Variants in PKHD1 observed in about 807,000 individuals in gnomAD.
PKHD1 encodes fibrocystin.
A neutral mutation model predicts 412.0 loss-of-function variants in PKHD1; 291 were observed. The ratio of observed to expected loss-of-function variants is 0.71; its 90% CI spans 0.64 to 0.78. The LOEUF is 0.78. PKHD1 is among the 30% of genes least tolerant of loss of function. The pLI, the probability that PKHD1 is intolerant of heterozygous loss-of-function variation, is 0.00. For missense variants in PKHD1, 4,825 were observed against 4,950.7 expected (o/e 0.97, Z 0.76); for synonymous variants, 1,777 against 1,821.5 (o/e 0.98, Z 0.62).
At chr6:52,060,501 A>T (rs1014527483) in intron 14 of PKHD1, among the ~76,000 whole-genome samples, 3 of 152,262 alleles carry the variant, frequency 2.0e-5, no homozygotes, top group African/African-American at 7.2e-5. Flanking sequence ...TATGATCCAC[A>T]GATAAGCGTC....
chr6:51,953,058 T>G (rs1790588830), intron 36 of PKHD1, among the ~76,000 whole-genome samples: 2 of 152,250 alleles, frequency 1.3e-5, no homozygotes, highest in East Asian at 3.9e-4. Context: ...AAATTTGAAG[T>G]CAGGCTCCAG....
chr6:52,065,132 A>ATT (rs1809362465), intron 12 of PKHD1, 82 bp from the exon 13 acceptor site: 16 of 172,768 alleles, frequency 9.3e-5, no homozygotes, highest in South Asian at 3.7e-4. Context: ...TATATGTATA[A>ATT]TTATATATAT....
intron 34 of PKHD1, among the ~76,000 whole-genome samples, chr6:52,012,551 G>C (rs941157978): frequency 5.3e-5 from 8 of 152,130 alleles, no homozygotes; most frequent in African/African-American, 1.7e-4. Context: ...GATTCAGAAA[G>C]GAAAAGCAAA....
At chr6:51,866,950 A>C (rs185069711) in intron 48 of PKHD1, among the ~76,000 whole-genome samples, 3 of 152,282 alleles carry the variant, frequency 2.0e-5, no homozygotes, top group Admixed American at 1.3e-4. Context: ...AAAAATTTCC[A>C]GACTATTCAG....
chr6:51,832,294 G>A (rs1768389272), intron 51 of PKHD1, among the ~76,000 whole-genome samples: 1 of 152,004 alleles, frequency 6.6e-6, no homozygotes, highest in Non-Finnish European at 1.5e-5. Context: ...AGCCTTAGAA[G>A]TTATTCAGGT....
intron 51 of PKHD1, among the ~76,000 whole-genome samples, chr6:51,835,624 G>A (rs529185823): frequency 2.0e-5 from 3 of 152,124 alleles, no homozygotes; most frequent in Non-Finnish European, 4.4e-5. Context: ...AAAGTGTGGT[G>A]GCAGCTCAGA....
chr6:51,624,867 T>C (rs1767047378), intron 66 of PKHD1, among the ~76,000 whole-genome samples: 2 of 152,316 alleles, frequency 1.3e-5, no homozygotes, highest in East Asian at 1.9e-4. Flanking sequence ...TTAAACCCAG[T>C]CTGTTGGACT....
intron 52 of PKHD1, among the ~76,000 whole-genome samples, chr6:51,818,682 G>A (rs1178517128): frequency 1.7e-4 from 26 of 152,184 alleles, no homozygotes; most frequent in Admixed American, 1.7e-3. Context: ...ACATTTCCCA[G>A]CTTCCTTTCC....
intron 37 of PKHD1, among the ~76,000 whole-genome samples, chr6:51,914,291 T>A (rs1783438325): frequency 6.6e-6 from 1 of 152,154 alleles, no homozygotes; most frequent in Non-Finnish European, 1.5e-5. Context: ...AGTACATTTT[T>A]AAACTATTAA....
At chr6:51,690,271 C>CAAAAAAAAAAAAAAAA (rs70977310) in intron 60 of PKHD1, among the ~76,000 whole-genome samples, 1 of 109,920 alleles carries the variant, frequency 9.1e-6, no homozygotes, top group Non-Finnish European at 1.8e-5. Flanking sequence ...GACTCCATCT[C>CAAAAAAAAAAAAAAAA]AAAAAAAAAA....
At chr6:51,816,984 T>C (rs1393895391) in intron 52 of PKHD1, among the ~76,000 whole-genome samples, 3 of 152,212 alleles carry the variant, frequency 2.0e-5, no homozygotes, top group Non-Finnish European at 4.4e-5. Context: ...CTCTTGACCC[T>C]CTTTGTAGTA....
rs1799294062 is a variant in PKHD1 at position 52,007,880 on chromosome 6, C to T, written c.5751+2429G>A. On this transcript the variant is annotated intron_variant, in intron 35 of 66. Transcript: ENST00000371117. Reference sequence around the variant, plus strand: ...TCCAGTCGATGCGACAGGACGTGTGCCTGAGACTCTTGTTCTATTCTTTAG... The same window carrying T: ...TCCAGTCGATGCGACAGGACGTGTGTCTGAGACTCTTGTTCTATTCTTTAG... 2.7e-5 allele frequency among the ~76,000 whole-genome samples: 4 copies of T among 148,206 alleles called. No individual in the cohort carries two copies. The South Asian group carries it at 8.9e-4, about 33-fold the overall frequency.
Position 51,909,361 on chromosome 6 carries a change from TC to T in PKHD1, c.6603del (p.Lys2202ArgfsTer16), listed in dbSNP as rs763480901. 1 of 1,613,584 alleles carries T rather than the reference TC, an allele frequency of 6.2e-7. No homozygotes were observed. The highest frequency in any genetic ancestry group is 1.3e-5 in the African/African-American group (1 of 74,992). On this transcript the variant is annotated frameshift_variant, in exon 40 of 67. Transcript: ENST00000371117. LOFTEE classifies it high-confidence loss of function. ...CCCAAGACTTGAAACTGCACTCCCT[TC>T]AACTGGACCTGGCTGGGCTCTTCTG... ...SFPEEPSQVQ[L>X]KGVQFQVLGQ... is the part of the protein sequence containing the mutation.
chr6:51,766,834 T>C (rs922590196), intron 55 of PKHD1, among the ~76,000 whole-genome samples: 2 of 152,070 alleles, frequency 1.3e-5, no homozygotes, highest in African/African-American at 4.8e-5. Flanking sequence ...TCATCACATT[T>C]TGTAACTGAC....
intron 55 of PKHD1, among the ~76,000 whole-genome samples, chr6:51,765,358 C>A (rs1788811059): frequency 6.6e-6 from 1 of 152,128 alleles, no homozygotes; most frequent in African/African-American, 2.4e-5. Flanking sequence ...TCAGATTCCA[C>A]CATCCTCCTG....
chr6:52,016,590 C>T, intron 34 of PKHD1, among the ~76,000 whole-genome samples: 1 of 143,430 alleles, frequency 7.0e-6, no homozygotes, highest in East Asian at 2.0e-4. Context: ...GAACCGAGAT[C>T]ATGCCATTGC....
At position 51,751,499 on chromosome 6, in the gene PKHD1, A is replaced by G. The variant is rs560977484; in HGVS notation, c.8950+1702T>C. 2.5e-4 allele frequency among the ~76,000 whole-genome samples: 38 copies of G among 152,328 alleles called. No homozygotes were observed. In the South Asian group the frequency reaches 7.3e-3, roughly 29 times the overall value. ...TATACTAGTATTATATCAGCTATTA[A>G]TGGAAGAAAATTGAGTGAAAGGTAT... is the stretch of plus-strand genomic sequence containing the variant. On this transcript the variant is annotated intron_variant, in intron 57 of 66. Transcript: ENST00000371117.
rs727504097 is a variant in PKHD1 at position 52,082,542 on chromosome 6, C to T, written c.131G>A (p.Gly44Asp). 5.6e-6 allele frequency: 9 copies of T among 1,613,994 alleles called. No individual in the cohort carries two copies. The highest frequency in any genetic ancestry group is 6.8e-6 in the Non-Finnish European group (8 of 1,179,900). ...GGTWITVIFDGLELGVLYPNN... is the reference protein window; with the variant it reads ...GGTWITVIFDDLELGVLYPNN... The stretch of plus-strand genomic sequence containing the variant: ...GGGGTAAAGAACACCCAACTCCAAA[C>T]CTAACACAAGGGAAAGAAATCTCAG... The change falls in exon 4 of 67, where the codon GGT becomes GAT. Residue 44 changes from glycine (G) to aspartate (D), a missense_variant and splice_region_variant. By Grantham distance (94) the Gly-to-Asp change is moderately conservative (BLOSUM62 -1). Transcript: ENST00000371117.
At chr6:51,938,433 G>T (rs36096149) in intron 36 of PKHD1, among the ~76,000 whole-genome samples, 3 of 151,444 alleles carry the variant, frequency 2.0e-5, no homozygotes, top group South Asian at 2.1e-4. Flanking sequence ...GACATTACCT[G>T]GTGAAATTCC....
Sources: gnomAD v4.1 joint callset for allele counts (sites outside exome capture counted in the v4.1 genomes callset) on GRCh38, gnomAD v4.1.1 for gene constraint, MANE v1.5 for transcripts, NCBI Gene and HGNC (gene_info 2026-07-23, HGNC 2026-07-21) for gene names.